ENOX2: variants seen among roughly 807,000 people sequenced by gnomAD.
The protein encoded by ENOX2 is APK1 antigen.
A neutral mutation model predicts 45.0 loss-of-function variants in ENOX2; 36 were observed. The observed-to-expected ratio is 0.80, with a 90% CI of 0.61 to 1.06. The LOEUF (loss-of-function observed/expected upper bound fraction) is 1.06, where lower values mean the gene tolerates loss of function less well. Among genes scored for constraint, ENOX2 ranks in the 50% least tolerant of loss-of-function variants. The pLI, the probability that ENOX2 is intolerant of heterozygous loss-of-function variation, is 0.00. For synonymous variants in ENOX2, 174 were observed against 152.3 expected (o/e 1.14, Z -1.05); for missense variants, 423 against 462.5 (o/e 0.91, Z 0.78).
chrX:130,688,925 T>TGC lies in ENOX2; in HGVS notation c.190_191insGC (p.Asp64GlyfsTer5). 1.7e-6 allele frequency: 2 copies of TGC among 1,195,480 alleles called. No individual in the cohort carries two copies. Among genetic ancestry groups the TGC allele is most frequent in the Non-Finnish European group, 2.3e-6 (2 of 880,889 alleles). On this transcript the variant is annotated frameshift_variant, in exon 5 of 15. Transcript: ENST00000394363. LOFTEE classifies it high-confidence loss of function. The stretch of plus-strand genomic sequence containing the variant: ...TATGATCTCTTTTACTACTGGCATA[T>TGC]CTGGAGGAATTGGTGGAGGTACTAT...
intron 1 of ENOX2, among the ~76,000 whole-genome samples, chrX:130,901,949 C>G (rs1317702723): frequency 8.9e-6 from 1 of 111,830 alleles, no homozygotes; most frequent in Admixed American, 9.4e-5. Context: ...GTTTACCCTT[C>G]TCAAAGTCCA....
At chrX:130,816,061 C>G (rs1229592632) in intron 2 of ENOX2, among the ~76,000 whole-genome samples, 1 of 111,271 alleles carries the variant, frequency 9.0e-6, no homozygotes, top group Non-Finnish European at 1.9e-5. Context: ...ATTTACCAAG[C>G]AAATGGAAAG....
At chrX:130,743,982 G>A (rs1233079887) in intron 3 of ENOX2, among the ~76,000 whole-genome samples, 1 of 111,778 alleles carries the variant, frequency 8.9e-6, no homozygotes, top group Non-Finnish European at 1.9e-5. Context: ...GTCCAACATC[G>A]AGTGATAAGG....
rs762389597 is a variant in ENOX2, at chrX:130,651,315, A to T, written c.1129+5266T>A. Among the ~76,000 whole-genome samples, 166 of 112,111 alleles carry T rather than the reference A, an allele frequency of 1.5e-3. 1 individual carries two copies. Among genetic ancestry groups the T allele is most frequent in the Middle Eastern group, 4.6e-3 (1 of 217 alleles). On this transcript the variant is annotated intron_variant, in intron 10 of 14. Coordinates refer to ENST00000394363, the MANE Select transcript of ENOX2 (RefSeq NM_006375.4). ...TTACATCTCTAAATTCCCATCTCAA[A>T]CACAGAATCCTCATCTACCATTTTC... is the stretch of plus-strand genomic sequence containing the variant.
At chrX:130,857,222 G>A (rs138417900) in intron 2 of ENOX2, among the ~76,000 whole-genome samples, 256 of 112,501 alleles carry the variant, frequency 2.3e-3, no homozygotes, top group Non-Finnish European at 3.8e-3. Context: ...AAAGCATAGA[G>A]TGTATGATCC....
intron 2 of ENOX2, among the ~76,000 whole-genome samples, chrX:130,871,885 C>T (rs1407678860): frequency 9.0e-6 from 1 of 111,640 alleles, no homozygotes; most frequent in Non-Finnish European, 1.9e-5. Flanking sequence ...CACCATGAGA[C>T]ATTATATCTT....
chrX:130,821,355 G>A (rs908824153), intron 2 of ENOX2, among the ~76,000 whole-genome samples: 1 of 95,518 alleles, frequency 1.0e-5, no homozygotes, highest in Admixed American at 1.2e-4. Context: ...GGAATACTAT[G>A]CAGCCATAAA....
chrX:130,715,688 C>G (rs5977357), intron 3 of ENOX2, among the ~76,000 whole-genome samples: 1 of 110,112 alleles, frequency 9.1e-6, no homozygotes, highest in Admixed American at 9.7e-5. Context: ...AAGAGAAAAA[C>G]AAGTAGGGTT....
intron 3 of ENOX2, among the ~76,000 whole-genome samples, chrX:130,751,686 G>T (rs1282853125): frequency 1.8e-5 from 2 of 112,123 alleles, no homozygotes; most frequent in African/African-American, 6.5e-5. Flanking sequence ...CAGAAATTTA[G>T]AAGGGTGCCA....
intron 6 of ENOX2, among the ~76,000 whole-genome samples, chrX:130,679,131 G>A (rs1428560603): frequency 9.0e-6 from 1 of 111,603 alleles, no homozygotes; most frequent in Non-Finnish European, 1.9e-5. Flanking sequence ...CTTTCCAGAG[G>A]AGGGTGTGCT....
chrX:130,759,031 C>G (rs1187722499), intron 3 of ENOX2, among the ~76,000 whole-genome samples: 1 of 111,257 alleles, frequency 9.0e-6, no homozygotes, highest in African/African-American at 3.3e-5. Flanking sequence ...CACGGTCTTT[C>G]CCAGAATAAA....
chrX:130,847,414 A>T (rs1687152655), intron 2 of ENOX2, among the ~76,000 whole-genome samples: 1 of 111,994 alleles, frequency 8.9e-6, no homozygotes, highest in African/African-American at 3.2e-5. Flanking sequence ...TAGAGCACCT[A>T]GTTATTAATT....
chrX:130,627,144 C>T (rs1445113519), intron 14 of ENOX2, among the ~76,000 whole-genome samples: 1 of 111,607 alleles, frequency 9.0e-6, no homozygotes, highest in African/African-American at 3.3e-5. Context: ...AGGCTCTCAG[C>T]TCATTGCTCC....
chrX:130,631,989 C>T (rs1372280085), intron 12 of ENOX2, among the ~76,000 whole-genome samples: 1 of 110,440 alleles, frequency 9.1e-6, no homozygotes, highest in East Asian at 2.9e-4. Flanking sequence ...GGAAGTGGAG[C>T]CAGGATTTCA....
chrX:130,702,087 T>C (rs2037913820), intron 4 of ENOX2, among the ~76,000 whole-genome samples: 1 of 111,763 alleles, frequency 8.9e-6, no homozygotes, highest in African/African-American at 3.3e-5. Flanking sequence ...TGCTGTCTAG[T>C]GGACCTCACC....
chrX:130,667,843 G>T, intron 7 of ENOX2, 101 bp from the exon 8 acceptor site: 1 of 588,216 alleles, frequency 1.7e-6, no homozygotes, highest in Non-Finnish European at 2.7e-6. Context: ...GGCAGTGATG[G>T]GTAAATGAAT....
intron 2 of ENOX2, among the ~76,000 whole-genome samples, chrX:130,833,218 C>T (rs1051615391): frequency 9.0e-6 from 1 of 111,361 alleles, no homozygotes; most frequent in African/African-American, 3.3e-5. Flanking sequence ...AATCTGGGCA[C>T]ACATGAAATT....
At chrX:130,860,549 ACCT>A (rs2078392589) in intron 2 of ENOX2, among the ~76,000 whole-genome samples, 1 of 111,247 alleles carries the variant, frequency 9.0e-6, no homozygotes, top group Non-Finnish European at 1.9e-5. Flanking sequence ...AGTAAATGTA[ACCT>A]CCTTCCTCAG....
chrX:130,635,049 C>T lies in ENOX2; in HGVS notation c.1354G>A (p.Glu452Lys). The stretch of plus-strand genomic sequence containing the variant: ...TTGTCATCTTTGAGTTTTTCAAGTT[C>T]AGCTTCTTTCTTTTTGTATTCCTCT... ...VQEEYKKKEA[E>K]LEKLKDDKLQ... Residue 452 changes from glutamate to lysine, a missense_variant, in exon 12 of 15, where the codon GAA becomes AAA. By Grantham distance (56) the Glu-to-Lys change is moderately conservative. Transcript: ENST00000394363. 1 of 1,190,982 alleles carries T rather than the reference C, an allele frequency of 8.4e-7. No individual in the cohort carries two copies. Among genetic ancestry groups the T allele is most frequent in the Non-Finnish European group, 1.1e-6 (1 of 879,137 alleles).
Sources: allele counts gnomAD v4.1 joint callset (sites outside exome capture counted in the v4.1 genomes callset), GRCh38; gene constraint gnomAD v4.1.1; transcripts MANE v1.5; gene names NCBI Gene and HGNC (gene_info 2026-07-23, HGNC 2026-07-21).